RAD51B: variants seen among roughly 807,000 people sequenced by gnomAD.
The protein encoded by RAD51B is RAD51 paralog B.
Under a neutral mutation model 42.2 loss-of-function variants are expected in RAD51B, and 38 were observed. The observed-to-expected ratio is 0.90, with a 90% CI of 0.70 to 1.18. RAD51B has a LOEUF of 1.18. Among genes scored for constraint, RAD51B ranks in the 50% most tolerant of loss-of-function variants. The pLI, the probability that RAD51B is intolerant of heterozygous loss-of-function variation, is 0.00. For missense variants in RAD51B, 373 were observed against 400.7 expected, an observed-to-expected ratio of 0.93 and a Z score of 0.59; for synonymous variants, 154 against 145.2, an observed-to-expected ratio of 1.06 and a Z score of -0.43.
chr14:68,648,089 GTGTGTA>G (rs1892610035), intron 10 of RAD51B, among the ~76,000 whole-genome samples: 1 of 2,638 alleles, frequency 3.8e-4, no homozygotes, highest in South Asian at 8.9e-3. Context: ...ATATATACGT[GTGTGTA>G]TATATATATA....
intron 10 of RAD51B, chr14:68,562,008 G>A: frequency 1.3e-5 from 13 of 985,438 alleles, no homozygotes; most frequent in Non-Finnish European, 1.6e-5. Flanking sequence ...AGCTGCTCCT[G>A]TCTGCCTCAC....
intron 7 of RAD51B, among the ~76,000 whole-genome samples, chr14:67,895,764 C>T (rs187378451): frequency 7.9e-5 from 12 of 152,048 alleles, no homozygotes; most frequent in Admixed American, 2.6e-4. Flanking sequence ...CAACCTACTC[C>T]TCCCATGTTG....
chr14:68,044,415 C>T (rs2076266408), intron 7 of RAD51B, among the ~76,000 whole-genome samples: 1 of 151,968 alleles, frequency 6.6e-6, no homozygotes, highest in Non-Finnish European at 1.5e-5. Flanking sequence ...CTCTTGTTCC[C>T]CATGTTCTTC....
At chr14:68,504,803 C>A (rs1271252846) in intron 10 of RAD51B, among the ~76,000 whole-genome samples, 1 of 147,614 alleles carries the variant, frequency 6.8e-6, no homozygotes, top group Non-Finnish European at 1.5e-5. Context: ...CAAATTTCTT[C>A]ACTAGACACT....
At chr14:68,149,251 G>T (rs2078322013) in intron 7 of RAD51B, among the ~76,000 whole-genome samples, 2 of 151,916 alleles carry the variant, frequency 1.3e-5, no homozygotes, top group Admixed American at 6.6e-5. Flanking sequence ...TGTGCTTTAA[G>T]TGTTATATTC....
chr14:68,339,010 G>C, intron 8 of RAD51B: 1 of 655,092 alleles, frequency 1.5e-6, no homozygotes, highest in Non-Finnish European at 2.8e-6. Context: ...TTACAACATG[G>C]GGCAGGCAGG....
At chr14:68,595,212 A>G (rs1033662864) in exon 11 of RAD51B, 4 of 1,061,360 alleles carry the variant, frequency 3.8e-6, no homozygotes, top group Non-Finnish European at 3.4e-6. Context: ...AATCCTAAAC[A>G]TGGAAGATGA....
chr14:68,350,809 C>T (rs1222164252), intron 8 of RAD51B, among the ~76,000 whole-genome samples: 1 of 152,168 alleles, frequency 6.6e-6, no homozygotes, highest in Non-Finnish European at 1.5e-5. Flanking sequence ...ATATCATTCA[C>T]CATTTTAGAT....
intron 7 of RAD51B, among the ~76,000 whole-genome samples, chr14:68,115,858 C>T (rs1217919922): frequency 6.6e-6 from 1 of 152,110 alleles, no homozygotes; most frequent in Non-Finnish European, 1.5e-5. Flanking sequence ...TGGTGTTCCA[C>T]ATGGGAAACT....
intron 8 of RAD51B, among the ~76,000 whole-genome samples, chr14:68,352,910 G>T (rs1022684622): frequency 5.3e-5 from 8 of 152,138 alleles, no homozygotes; most frequent in African/African-American, 1.7e-4. Context: ...GGCACGGTCG[G>T]GGGAAGGGTT....
intron 7 of RAD51B, among the ~76,000 whole-genome samples, chr14:67,910,405 C>CAA (rs576632132): frequency 0.069 from 621 of 9,008 alleles, 197 homozygotes; most frequent in East Asian, 0.13. Flanking sequence ...GACTCTGTCT[C>CAA]AAAAAAAAAA....
chr14:68,563,127 T>C, intron 10 of RAD51B: 2 of 985,424 alleles, frequency 2.0e-6, no homozygotes, highest in Non-Finnish European at 2.4e-6. Flanking sequence ...AGAGAGGGCT[T>C]CACATTTGAC....
intron 10 of RAD51B, among the ~76,000 whole-genome samples, chr14:68,567,684 C>T (rs1183663910): frequency 4.6e-5 from 7 of 152,228 alleles, no homozygotes; most frequent in Non-Finnish European, 1.0e-4. Flanking sequence ...CCAGTCATCA[C>T]GGACAATGCA....
chr14:68,071,503 CTAT>C (rs1414451901), intron 7 of RAD51B, among the ~76,000 whole-genome samples: 1 of 152,096 alleles, frequency 6.6e-6, no homozygotes, highest in Non-Finnish European at 1.5e-5. Flanking sequence ...TTTCTTGCGG[CTAT>C]TGAGATAATC....
At chr14:68,292,064 G>A in intron 8 of RAD51B, 84 bp downstream of exon 8, 1 of 1,293,318 alleles carries the variant, frequency 7.7e-7, no homozygotes, top group South Asian at 1.2e-5. Flanking sequence ...AGAGCTGGGA[G>A]ATATGGCTAA....
intron 7 of RAD51B, among the ~76,000 whole-genome samples, chr14:68,034,510 C>T (rs915530371): frequency 2.0e-5 from 3 of 152,108 alleles, no homozygotes; most frequent in African/African-American, 7.2e-5. Flanking sequence ...CTCAAGTGAT[C>T]CTCATGCCTT....
intron 10 of RAD51B, among the ~76,000 whole-genome samples, chr14:68,557,297 A>G (rs182770053): frequency 2.4e-3 from 361 of 152,306 alleles, no homozygotes; most frequent in Non-Finnish European, 3.5e-3. Context: ...AGCCTCGCCT[A>G]CCGTACACAT....
At chr14:68,170,436 A>G (rs1329407305) in intron 7 of RAD51B, among the ~76,000 whole-genome samples, 5 of 152,206 alleles carry the variant, frequency 3.3e-5, no homozygotes, top group Non-Finnish European at 7.4e-5. Context: ...CAGGAGAATT[A>G]AAATCAGAGG....
intron 8 of RAD51B, among the ~76,000 whole-genome samples, chr14:68,342,910 C>A (rs1323493550): frequency 6.6e-6 from 1 of 151,772 alleles, no homozygotes; most frequent in African/African-American, 2.4e-5. Context: ...CAAATCCACT[C>A]AGGCAACAAA....
Sources: gnomAD v4.1 joint callset for allele counts (sites outside exome capture counted in the v4.1 genomes callset) on GRCh38, gnomAD v4.1.1 for gene constraint, MANE v1.5 for transcripts, NCBI Gene and HGNC (gene_info 2026-07-23, HGNC 2026-07-21) for gene names.